GALNT17: variants seen among roughly 807,000 people sequenced by gnomAD.
GALNT17 encodes the protein polypeptide N-acetylgalactosaminyltransferase 17.
A neutral mutation model predicts 63.7 loss-of-function variants in GALNT17; 29 were observed. That is an observed-to-expected ratio of 0.46 (90% CI 0.34 to 0.62). GALNT17 has a LOEUF of 0.62. Among genes scored for constraint, GALNT17 ranks in the 20% least tolerant of loss-of-function variants. The pLI is 0.01. For missense variants in GALNT17, 603 were observed against 799.6 expected (o/e 0.75, Z 2.97); for synonymous variants, 305 against 318.3 (o/e 0.96, Z 0.45).
Position 71,540,093 on chromosome 7 carries a change from C to CTTTTT in GALNT17, c.963-31161_963-31157dup, listed in dbSNP as rs71089954. 7.1e-3 allele frequency among the ~76,000 whole-genome samples: 239 copies of CTTTTT among 33,538 alleles called. 56 individuals carry two copies. The highest frequency in any genetic ancestry group is 9.8e-3 in the Non-Finnish European group (177 of 18,016). The allele number at this position is 33,538 out of a possible 152,430, so 22.0% of individuals were successfully genotyped here. On this transcript the variant is annotated intron_variant, in intron 5 of 10. Coordinates refer to ENST00000333538, the MANE Select transcript of GALNT17 (RefSeq NM_022479.3). Reference sequence around the variant, plus strand: ...ACAGTTGTGAGCCACTGTGCCTGGCCTTTTTTTTTTTTTTTTTTTTTTTTT... The same window carrying CTTTTT: ...ACAGTTGTGAGCCACTGTGCCTGGCCTTTTTTTTTTTTTTTTTTTTTTTTTTTTTT...
chr7:71,251,987 G>A (rs1307869164), intron 1 of GALNT17, among the ~76,000 whole-genome samples: 3 of 152,014 alleles, frequency 2.0e-5, no homozygotes, highest in Non-Finnish European at 4.4e-5. Context: ...ATTCAGCCTC[G>A]GGCTGTGATC....
intron 1 of GALNT17, among the ~76,000 whole-genome samples, chr7:71,306,104 C>T (rs1443231413): frequency 6.6e-6 from 1 of 152,116 alleles, no homozygotes; most frequent in African/African-American, 2.4e-5. Context: ...GCTGTAATCC[C>T]AGCTACTTGG....
At chr7:71,507,167 G>A (rs929093088) in intron 5 of GALNT17, among the ~76,000 whole-genome samples, 14 of 152,266 alleles carry the variant, frequency 9.2e-5, no homozygotes, top group African/African-American at 1.9e-4. Flanking sequence ...CCAGGAGGTC[G>A]AGGCTGCAGT....
At position 71,694,359 on chromosome 7, in the gene GALNT17, A is replaced by ATTTTT. The variant is rs34576267; in HGVS notation, c.1501-16390_1501-16386dup. On this transcript the variant is annotated intron_variant, in intron 9 of 10. Coordinates refer to ENST00000333538, the MANE Select transcript of GALNT17 (RefSeq NM_022479.3). Reference sequence around the variant, plus strand: ...TATGATGTAATCTATAATTATCCCAATTTTTTTTTTTTTTTTGAGATGGAG... The same window carrying ATTTTT: ...TATGATGTAATCTATAATTATCCCAATTTTTTTTTTTTTTTTTTTTTGAGATGGAG... 6.5e-5 allele frequency among the ~76,000 whole-genome samples: 9 copies of ATTTTT among 138,688 alleles called. 1 individual carries two copies. Among genetic ancestry groups the ATTTTT allele is most frequent in the South Asian group, 4.7e-4 (2 of 4,288 alleles). The allele number at this position is 138,688 out of a possible 152,430, so 91.0% of individuals were successfully genotyped here.
At chr7:71,608,776 T>A (rs1790082835) in intron 6 of GALNT17, among the ~76,000 whole-genome samples, 1 of 151,980 alleles carries the variant, frequency 6.6e-6, no homozygotes, top group Admixed American at 6.6e-5. Flanking sequence ...AATCCTTTAT[T>A]ATTAATAATT....
chr7:71,527,205 A>G (rs1175886323), intron 5 of GALNT17, among the ~76,000 whole-genome samples: 1 of 152,216 alleles, frequency 6.6e-6, no homozygotes, highest in Non-Finnish European at 1.5e-5. Flanking sequence ...CATCACCCAT[A>G]AAATAATAAA....
intron 1 of GALNT17, among the ~76,000 whole-genome samples, chr7:71,152,331 C>A (rs192860239): frequency 1.2e-4 from 18 of 152,244 alleles, no homozygotes; most frequent in Admixed American, 1.2e-3. Context: ...AAAGTAGTTA[C>A]AAATGGGTGG....
intron 1 of GALNT17, among the ~76,000 whole-genome samples, chr7:71,320,431 T>C (rs56186432): frequency 0.013 from 1,969 of 152,040 alleles, 15 homozygotes; most frequent in Non-Finnish European, 0.019. Context: ...AAATTTTTTT[T>C]TTAGAGATGG....
At chr7:71,475,357 T>C (rs1787705533) in intron 5 of GALNT17, among the ~76,000 whole-genome samples, 1 of 152,156 alleles carries the variant, frequency 6.6e-6, no homozygotes, top group South Asian at 2.1e-4. Flanking sequence ...CCTGAGCTTG[T>C]TTTCCTGCAA....
intron 8 of GALNT17, among the ~76,000 whole-genome samples, chr7:71,671,000 G>T (rs1791062273): frequency 6.6e-6 from 1 of 151,874 alleles, no homozygotes; most frequent in Non-Finnish European, 1.5e-5. Context: ...CTAATAATTT[G>T]AAATTTTACT....
intron 2 of GALNT17, among the ~76,000 whole-genome samples, chr7:71,382,770 A>G (rs1792870942): frequency 6.6e-6 from 1 of 152,118 alleles, no homozygotes; most frequent in African/African-American, 2.4e-5. Flanking sequence ...AGAGAAAGAG[A>G]AGGAATTGGG....
chr7:71,174,521 G>A (rs921795110), intron 1 of GALNT17, among the ~76,000 whole-genome samples: 5 of 152,200 alleles, frequency 3.3e-5, no homozygotes, highest in Non-Finnish European at 5.9e-5. Context: ...TTTCATCTGG[G>A]TGCAGGCCGG....
chr7:71,289,884 GA>G (rs57075200), intron 1 of GALNT17, among the ~76,000 whole-genome samples: 39,448 of 116,430 alleles, frequency 0.34, 5,687 homozygotes, highest in East Asian at 0.51. Context: ...CGTCTCAAAA[GA>G]AAAAAAAAAA....
intron 1 of GALNT17, among the ~76,000 whole-genome samples, chr7:71,206,827 C>T (rs757278992): frequency 4.6e-5 from 7 of 152,030 alleles, no homozygotes; most frequent in African/African-American, 9.7e-5. Flanking sequence ...ATCAGTAGGC[C>T]GGGCGTGGTG....
chr7:71,627,076 GT>G (rs1790385527), intron 6 of GALNT17, among the ~76,000 whole-genome samples: 2 of 152,214 alleles, frequency 1.3e-5, no homozygotes, highest in African/African-American at 2.4e-5. Flanking sequence ...ATGGAATACA[GT>G]TTCATGGGTT....
chr7:71,572,482 A>C (rs1183448248), intron 6 of GALNT17, among the ~76,000 whole-genome samples: 1 of 141,800 alleles, frequency 7.1e-6, no homozygotes, highest in Non-Finnish European at 1.5e-5. Flanking sequence ...AGCCCAGGCA[A>C]CAGAGCAAGA....
At chr7:71,287,553 G>A (rs1031182178) in intron 1 of GALNT17, among the ~76,000 whole-genome samples, 1 of 152,078 alleles carries the variant, frequency 6.6e-6, no homozygotes, top group Non-Finnish European at 1.5e-5. Context: ...CTTTAACAAT[G>A]CAGGGGTTAG....
rs957874428 is a variant in GALNT17 at position 71,493,613 on chromosome 7, A to G, written c.962+72508A>G. 3.9e-5 allele frequency among the ~76,000 whole-genome samples: 6 copies of G among 152,284 alleles called. No individual in the cohort carries two copies. The East Asian group carries it at 1.2e-3, about 29-fold the overall frequency. On this transcript the variant is annotated intron_variant, in intron 5 of 10. Coordinates refer to ENST00000333538, the MANE Select transcript of GALNT17 (RefSeq NM_022479.3). ...TGTGAGACTTGTTCACTATCATGAG[A>G]ACAGTATGGGGAAACCACCCCTATG...
At chr7:71,237,550 T>C (rs1461921120) in intron 1 of GALNT17, among the ~76,000 whole-genome samples, 1 of 148,828 alleles carries the variant, frequency 6.7e-6, no homozygotes, top group East Asian at 2.0e-4. Context: ...CAGGGCATAA[T>C]TGTGTACGCC....
Sources: gnomAD v4.1 joint callset for allele counts (sites outside exome capture counted in the v4.1 genomes callset) on GRCh38, gnomAD v4.1.1 for gene constraint, MANE v1.5 for transcripts, NCBI Gene and HGNC (gene_info 2026-07-23, HGNC 2026-07-21) for gene names.